The following COPG2 variants were observed in gnomAD, a reference collection of about 807,000 sequenced individuals.
The protein encoded by COPG2 is coat protein complex I subunit gamma 2.
Under a neutral mutation model 46.3 loss-of-function variants are expected in COPG2, and 37 were observed. That is an observed-to-expected ratio of 0.80 (90% CI 0.61 to 1.05). The LOEUF (loss-of-function observed/expected upper bound fraction) is 1.05. Among genes scored for constraint, COPG2 ranks in the 50% least tolerant of loss-of-function variants. The pLI, the probability that COPG2 is intolerant of heterozygous loss-of-function variation, is 0.00. For missense variants in COPG2, 427 were observed against 387.8 expected, an observed-to-expected ratio of 1.10 and a Z score of -0.85; for synonymous variants, 159 against 129.7, an observed-to-expected ratio of 1.23 and a Z score of -1.53.
chr7:130,576,268 T>C (rs1314976807), intron 9 of COPG2, among the ~76,000 whole-genome samples: 2 of 152,162 alleles, frequency 1.3e-5, no homozygotes, highest in Admixed American at 6.5e-5. Context: ...GAATACACAT[T>C]CTATTCAACA....
intron 9 of COPG2, among the ~76,000 whole-genome samples, chr7:130,569,347 G>A (rs1793855843): frequency 6.6e-6 from 1 of 152,036 alleles, no homozygotes; most frequent in African/African-American, 2.4e-5. Flanking sequence ...ATCCAAGTAA[G>A]CTCAATTAAA....
intron 4 of COPG2, among the ~76,000 whole-genome samples, chr7:130,653,348 G>A (rs1795786544): frequency 6.6e-6 from 1 of 152,124 alleles, no homozygotes; most frequent in African/African-American, 2.4e-5. Flanking sequence ...CCGCCTCCGG[G>A]GTTCAAGCAA....
intron 20 of COPG2, among the ~76,000 whole-genome samples, chr7:130,517,999 C>G (rs1480504706): frequency 3.9e-5 from 6 of 152,256 alleles, no homozygotes; most frequent in African/African-American, 1.4e-4. Flanking sequence ...AGCCAGAAAA[C>G]AGACTAGCTC....
intron 5 of COPG2, among the ~76,000 whole-genome samples, chr7:130,628,053 A>G (rs1245953783): frequency 6.6e-6 from 1 of 152,154 alleles, no homozygotes. Flanking sequence ...GTGTGTTTAG[A>G]CAATCCATTA....
chr7:130,589,718 C>T (rs377529964), intron 9 of COPG2, among the ~76,000 whole-genome samples: 159 of 152,322 alleles, frequency 1.0e-3, no homozygotes, highest in African/African-American at 3.6e-3. Context: ...TAAATTTGTT[C>T]AACCTGATAG....
intron 20 of COPG2, among the ~76,000 whole-genome samples, chr7:130,539,092 G>T (rs1799911361): frequency 1.3e-5 from 2 of 152,154 alleles, no homozygotes; most frequent in Non-Finnish European, 2.9e-5. Context: ...CAGGACCTGT[G>T]TAAGAAGAAG....
chr7:130,646,999 G>A lies in COPG2; in HGVS notation c.323+5870C>T, dbSNP rs7785751. 6.0e-4 allele frequency among the ~76,000 whole-genome samples: 23 copies of A among 38,222 alleles called. 1 individual carries two copies. The highest frequency in any genetic ancestry group is 9.9e-4 in the African/African-American group (18 of 18,146). 25.1% of individuals were successfully genotyped at this position (38,222 alleles called of 152,430 possible). On this transcript the variant is annotated intron_variant, in intron 5 of 23. Transcript: ENST00000425248. The stretch of plus-strand genomic sequence containing the variant: ...TATATATATGTATATATATATATGT[G>A]TATATATATATGTATATATATATAT...
At chr7:130,646,296 A>C (rs2116218239) in intron 5 of COPG2, among the ~76,000 whole-genome samples, 1 of 152,348 alleles carries the variant, frequency 6.6e-6, no homozygotes, top group East Asian at 1.9e-4. Flanking sequence ...GAAGGGCTTC[A>C]TGGTTAACAT....
intron 6 of COPG2, among the ~76,000 whole-genome samples, chr7:130,616,599 A>C (rs1284540946): frequency 6.6e-6 from 1 of 152,178 alleles, no homozygotes; most frequent in Non-Finnish European, 1.5e-5. Flanking sequence ...CAAAAAAGAA[A>C]AAGAAAAAAA....
intron 20 of COPG2, among the ~76,000 whole-genome samples, chr7:130,544,472 T>C (rs1462722513): frequency 1.3e-5 from 2 of 152,200 alleles, no homozygotes; most frequent in Non-Finnish European, 2.9e-5. Context: ...ATGAATATTT[T>C]CTATTAAAGA....
chr7:130,538,355 G>T (rs1799904382), intron 20 of COPG2, among the ~76,000 whole-genome samples: 1 of 152,128 alleles, frequency 6.6e-6, no homozygotes, highest in Admixed American at 6.5e-5. Flanking sequence ...TTGTGGTGCA[G>T]GAGGGGAAAG....
chr7:130,523,609 T>C (rs1018257338), intron 20 of COPG2, among the ~76,000 whole-genome samples: 2,467 of 152,190 alleles, frequency 0.016, 62 homozygotes, highest in African/African-American at 0.057. Flanking sequence ...AACAAATGGA[T>C]GTAGCTGAAA....
rs1031712469 is a variant in COPG2 at position 130,555,624 on chromosome 7, C to T, written c.1129-492G>A. On this transcript the variant is annotated intron_variant, in intron 12 of 23. Transcript: ENST00000425248. ...GGTGGATCACCAAAGGTCAGGAGTT[C>T]GAGACCAGCCTGACCAATATGGTGA... 7.0e-3 allele frequency among the ~76,000 whole-genome samples: 1,067 copies of T among 152,106 alleles called. 7 individuals are homozygous for T. Among genetic ancestry groups the T allele is most frequent in the Middle Eastern group, 0.034 (10 of 294 alleles).
At chr7:130,575,292 A>G (rs1444850253) in intron 9 of COPG2, among the ~76,000 whole-genome samples, 1 of 152,210 alleles carries the variant, frequency 6.6e-6, no homozygotes, top group Non-Finnish European at 1.5e-5. Flanking sequence ...GAATCTTAAG[A>G]GTTGTGAGAC....
chr7:130,601,064 A>G (rs1320607541), intron 9 of COPG2, among the ~76,000 whole-genome samples: 1 of 152,246 alleles, frequency 6.6e-6, no homozygotes, highest in Non-Finnish European at 1.5e-5. Flanking sequence ...CAGGCAGGAA[A>G]AAAGCTCATC....
intron 3 of COPG2, among the ~76,000 whole-genome samples, chr7:130,664,342 T>C (rs782580787): frequency 2.0e-5 from 3 of 152,218 alleles, no homozygotes; most frequent in Non-Finnish European, 4.4e-5. Flanking sequence ...CAAAGTACAA[T>C]AAGTTTATAC....
At chr7:130,590,309 G>C (rs951343788) in intron 9 of COPG2, among the ~76,000 whole-genome samples, 1 of 150,558 alleles carries the variant, frequency 6.6e-6, no homozygotes, top group Non-Finnish European at 1.5e-5. Flanking sequence ...ATGCCGAGCC[G>C]AAGCTGGACT....
At chr7:130,666,774 C>A in intron 3 of COPG2, 75 bp downstream of exon 3, 1 of 688,430 alleles carries the variant, frequency 1.5e-6, no homozygotes, top group Non-Finnish European at 2.5e-6. Flanking sequence ...ATATACTTTC[C>A]AGAAAGTATT....
chr7:130,608,246 C>T (rs572807862), intron 9 of COPG2: 9 of 461,466 alleles, frequency 2.0e-5, no homozygotes, highest in South Asian at 1.3e-4. Context: ...CATTTTTCTC[C>T]CTCATGCCCT....
Sources: allele counts gnomAD v4.1 joint callset (sites outside exome capture counted in the v4.1 genomes callset), GRCh38; gene constraint gnomAD v4.1.1; transcripts MANE v1.5; gene names NCBI Gene and HGNC (gene_info 2026-07-23, HGNC 2026-07-21).